Variants in LMTK2 observed in about 807,000 individuals in gnomAD.
The protein encoded by LMTK2 is lemur tail kinase 2.
LMTK2 carries 37 observed loss-of-function variants against 127.5 expected under a neutral mutation model. The observed-to-expected ratio is 0.29, with a 90% CI of 0.22 to 0.38. The LOEUF is 0.38. Ranked by LOEUF, LMTK2 falls within the 10% of genes least tolerant of loss-of-function variation. The pLI, the probability that LMTK2 is intolerant of heterozygous loss-of-function variation, is 1.00. For missense variants in LMTK2, 1,694 were observed against 1,920.3 expected (o/e 0.88, Z 2.20); for synonymous variants, 819 against 810.1 (o/e 1.01, Z -0.19).
chr7:98,128,637 C>T (rs1440251746), intron 1 of LMTK2, among the ~76,000 whole-genome samples: 3 of 152,216 alleles, frequency 2.0e-5, no homozygotes, highest in African/African-American at 7.2e-5. Context: ...CACACGTTGG[C>T]ATAGAGGTCC....
intron 6 of LMTK2, 127 bp downstream of exon 6, chr7:98,159,552 A>G: frequency 1.5e-6 from 1 of 685,740 alleles, no homozygotes; most frequent in Non-Finnish European, 2.6e-6. Flanking sequence ...CTTTATGATG[A>G]GTTACTTTTA....
intron 7 of LMTK2, among the ~76,000 whole-genome samples, chr7:98,182,108 G>T (rs551249900): frequency 6.6e-6 from 1 of 152,228 alleles, no homozygotes; most frequent in African/African-American, 2.4e-5. Context: ...ACTCAAAATG[G>T]ATCAAAGACC....
At chr7:98,191,333 C>T (rs1797520686) in intron 10 of LMTK2, among the ~76,000 whole-genome samples, 1 of 152,100 alleles carries the variant, frequency 6.6e-6, no homozygotes, top group Non-Finnish European at 1.5e-5. Context: ...GTGGGCAGAT[C>T]ACGAGGTGAG....
At chr7:98,132,864 CTA>C (rs1338205594) in intron 1 of LMTK2, among the ~76,000 whole-genome samples, 1 of 151,878 alleles carries the variant, frequency 6.6e-6, no homozygotes, top group African/African-American at 2.4e-5. Context: ...ATCTGAGGTT[CTA>C]GAGATCGTGA....
intron 1 of LMTK2, among the ~76,000 whole-genome samples, chr7:98,111,740 G>A (rs1796204784): frequency 6.6e-6 from 1 of 152,196 alleles, no homozygotes; most frequent in African/African-American, 2.4e-5. Context: ...ATCAAAGCAG[G>A]AGCTCAAAGT....
chr7:98,192,402 C>G lies in LMTK2; in HGVS notation c.1937C>G (p.Pro646Arg), dbSNP rs927275385. Residue 646 changes from proline (P) to arginine (R), a missense_variant, in exon 11 of 14, where the codon CCC becomes CGC. Pro to Arg is a moderately radical substitution (Grantham distance 103, BLOSUM62 -2). Transcript: ENST00000297293. Reference protein sequence around the residue: ...FNDVDKSEDLPSHQKIFDLME... With the variant: ...FNDVDKSEDLRSHQKIFDLME... ...GATGTGGACAAATCGGAAGATTTGC[C>G]CAGTCACCAAAAAATATTCGACTTA... 2 of 1,610,130 alleles carry G rather than the reference C, an allele frequency of 1.2e-6. No homozygotes were observed. The highest frequency in any genetic ancestry group is 1.3e-5 in the African/African-American group (1 of 74,628).
chr7:98,196,047 A>G (rs1405674450), intron 11 of LMTK2, among the ~76,000 whole-genome samples: 1 of 152,092 alleles, frequency 6.6e-6, no homozygotes, highest in Non-Finnish European at 1.5e-5. Context: ...AAAATTAGCC[A>G]GTCACGGTAG....
intron 1 of LMTK2, among the ~76,000 whole-genome samples, chr7:98,114,626 C>G (rs1225318604): frequency 6.6e-6 from 1 of 152,162 alleles, no homozygotes; most frequent in Non-Finnish European, 1.5e-5. Flanking sequence ...AAAGTAGCCC[C>G]TGTCTCCCTG....
At chr7:98,177,861 G>T (rs1177435592) in intron 7 of LMTK2, among the ~76,000 whole-genome samples, 3 of 152,204 alleles carry the variant, frequency 2.0e-5, no homozygotes, top group Non-Finnish European at 4.4e-5. Flanking sequence ...GTATAAAGTT[G>T]CCTCTGTGTG....
chr7:98,111,510 T>C (rs117075010), intron 1 of LMTK2, among the ~76,000 whole-genome samples: 1,852 of 152,264 alleles, frequency 0.012, 17 homozygotes, highest in Admixed American at 0.02. Context: ...GATCTGGGTG[T>C]GAAGCCTTGG....
intron 1 of LMTK2, among the ~76,000 whole-genome samples, chr7:98,120,143 C>T (rs540353783): frequency 2.0e-5 from 3 of 152,234 alleles, no homozygotes; most frequent in African/African-American, 7.2e-5. Flanking sequence ...TTAGTACAGA[C>T]TATTTTTTGA....
rs141635153 is a variant in LMTK2, at chr7:98,194,242, G to A, written c.3777G>A (p.Pro1259=). Reference sequence around the variant, plus strand: ...CCGAGGGCCCGAAGTTGAAGGAGCCGGACATCGAAGGGAAGTACCTGGGGA... The same window carrying A: ...CCGAGGGCCCGAAGTTGAAGGAGCCAGACATCGAAGGGAAGTACCTGGGGA... The part of the protein sequence containing the change: ...SHSEGPKLKE[P]DIEGKYLGKL... Residue 1259 remains proline, a synonymous_variant, in exon 11 of 14, where the codon CCG becomes CCA. Transcript: ENST00000297293. The surrounding 1 kb of genome is among the most constrained non-coding windows in gnomAD (Gnocchi z 5.4). The A allele has an allele frequency of 1.1e-4, 172 of 1,614,110 alleles. No individual in the cohort carries two copies. The African/African-American group carries it at 1.8e-3, about 17-fold the overall frequency.
At position 98,107,251 on chromosome 7, in the gene LMTK2, G is replaced by C; in HGVS notation, c.74G>C (p.Gly25Ala). ...GTCCTCCTGATCGCCGGCAGTGCTG[G>C]GGCCGCGCCACTTCCGCAAACAGGT... ...LLVLLIAGSAGAAPLPQTGAG... is the reference protein window; with the variant it reads ...LLVLLIAGSAAAAPLPQTGAG... The change falls in exon 1 of 14, where the codon GGG becomes GCG. Residue 25 changes from glycine (G) to alanine (A), a missense_variant. By Grantham distance (60) the Gly-to-Ala change is moderately conservative. Coordinates refer to ENST00000297293, the MANE Select transcript of LMTK2 (RefSeq NM_014916.4). 7.0e-7 allele frequency: 1 copy of C among 1,438,102 alleles called. No individual in the cohort carries two copies. The highest frequency in any genetic ancestry group is 9.1e-7 in the Non-Finnish European group (1 of 1,101,416). The allele number at this position is 1,438,102 out of a possible 1,614,324, so 89.1% of individuals were successfully genotyped here.
intron 3 of LMTK2, among the ~76,000 whole-genome samples, chr7:98,143,846 C>T (rs889718306): frequency 6.6e-6 from 1 of 152,042 alleles, no homozygotes; most frequent in Admixed American, 6.6e-5. Flanking sequence ...TTTATTGCAG[C>T]GTTGTTTGGC....
At chr7:98,173,795 G>T (rs1178986959) in intron 7 of LMTK2, among the ~76,000 whole-genome samples, 1 of 152,200 alleles carries the variant, frequency 6.6e-6, no homozygotes. Context: ...GGTGGCTCAT[G>T]CCTGTAATCC....
intron 4 of LMTK2, among the ~76,000 whole-genome samples, chr7:98,151,953 A>G (rs912792529): frequency 7.9e-5 from 12 of 152,194 alleles, no homozygotes; most frequent in African/African-American, 2.7e-4. Context: ...GACAAAGGAC[A>G]CAGACATTTC....
chr7:98,124,387 G>A (rs918742463), intron 1 of LMTK2, among the ~76,000 whole-genome samples: 1 of 152,224 alleles, frequency 6.6e-6, no homozygotes, highest in African/African-American at 2.4e-5. Flanking sequence ...AGTGGCTCAT[G>A]ACTGTTTCCC....
rs548270516 is a variant in LMTK2 at position 98,114,105 on chromosome 7, C to T, written c.103+6825C>T. ...TCTCTGCCTTTTTTTCCTTCCCCAA[C>T]CACAAAAGAGTGACTCTGTATTCCT... On this transcript the variant is annotated intron_variant, in intron 1 of 13. Transcript: ENST00000297293. 4.2e-3 allele frequency among the ~76,000 whole-genome samples: 638 copies of T among 152,208 alleles called. 1 individual carries two copies. The highest frequency in any genetic ancestry group is 7.1e-3 in the Non-Finnish European group (481 of 68,002).
intron 3 of LMTK2, among the ~76,000 whole-genome samples, 168 bp downstream of exon 3, chr7:98,141,709 G>T (rs945205112): frequency 6.6e-6 from 1 of 152,164 alleles, no homozygotes; most frequent in African/African-American, 2.4e-5. Context: ...TTGTATTCCT[G>T]CAATAGCTTT....
Sources: gnomAD v4.1 joint callset for allele counts (sites outside exome capture counted in the v4.1 genomes callset) on GRCh38, gnomAD v4.1.1 for gene constraint, Gnocchi (gnomAD v3.1) non-coding constraint, MANE v1.5 for transcripts, NCBI Gene and HGNC (gene_info 2026-07-23, HGNC 2026-07-21) for gene names.